SNX4: variants seen among roughly 807,000 people sequenced by gnomAD.
SNX4 encodes the protein sorting nexin 4.
SNX4 carries 49 observed loss-of-function variants against 70.8 expected under a neutral mutation model. The ratio of observed to expected loss-of-function variants is 0.69; its 90% CI spans 0.55 to 0.88. SNX4 has a LOEUF of 0.88. SNX4 is among the 40% of genes least tolerant of loss of function. The pLI is 0.00. For synonymous variants in SNX4, 206 were observed against 183.8 expected, an observed-to-expected ratio of 1.12 and a Z score of -0.98; for missense variants, 528 against 544.8, an observed-to-expected ratio of 0.97 and a Z score of 0.31.
rs770336677 is a variant in SNX4 at position 125,500,799 on chromosome 3, C to CAAAAAAAAAAAAAAAAAAAAAAAAAAAA, written c.264-2633_264-2606dup. On this transcript the variant is annotated intron_variant, in intron 2 of 13. Transcript: ENST00000251775. ...TGGGCGACAGAGCAAGACTCCGTCTCAAAAAAAAAAAAAAAAAAAAAAAAA... is the reference window on the plus strand; with the variant it reads ...TGGGCGACAGAGCAAGACTCCGTCTCAAAAAAAAAAAAAAAAAAAAAAAAAAAAAAAAAAAAAAAAAAAAAAAAAAAAA... Among the ~76,000 whole-genome samples, 2 of 29,316 alleles carry CAAAAAAAAAAAAAAAAAAAAAAAAAAAA rather than the reference C, an allele frequency of 6.8e-5. 1 individual carries two copies. Among genetic ancestry groups the CAAAAAAAAAAAAAAAAAAAAAAAAAAAA allele is most frequent in the African/African-American group, 2.6e-4 (2 of 7,828 alleles). 19.2% of individuals were successfully genotyped at this position (29,316 alleles called of 152,430 possible).
At chr3:125,497,056 G>A (rs1439366786) in intron 5 of SNX4, among the ~76,000 whole-genome samples, 1 of 148,174 alleles carries the variant, frequency 6.7e-6, no homozygotes, top group East Asian at 2.0e-4. Context: ...TTAAATTACT[G>A]CTTCATTACT....
rs1308816197 is a variant in SNX4 at position 125,460,812 on chromosome 3, T to G, written c.903A>C (p.Ala301=). ...AAAAAAGATACTCTTTTAACTGATC[T>G]GCATAATGTTCTTCATCTTCCAAAA... is the stretch of plus-strand genomic sequence containing the variant. ...DDILEDEEHY[A]DQLKEYLFYA... The change falls in exon 10 of 14, where the codon GCA becomes GCC. Residue 301 remains alanine, a synonymous_variant. Coordinates refer to ENST00000251775, the MANE Select transcript of SNX4 (RefSeq NM_003794.4). 6.4e-7 allele frequency: 1 copy of G among 1,567,518 alleles called. No homozygotes were observed. The highest frequency in any genetic ancestry group is 1.2e-5 in the South Asian group (1 of 82,008).
chr3:125,470,498 A>C (rs549111468), intron 8 of SNX4, among the ~76,000 whole-genome samples: 4 of 151,436 alleles, frequency 2.6e-5, no homozygotes, highest in South Asian at 2.1e-4. Flanking sequence ...TTAAAAAAAA[A>C]AAAACAAAAA....
intron 6 of SNX4, among the ~76,000 whole-genome samples, chr3:125,481,529 A>G (rs538281617): frequency 2.5e-4 from 37 of 150,356 alleles, no homozygotes; most frequent in African/African-American, 8.8e-4. Context: ...GCTCACCACA[A>G]CCTCCGCCTC....
chr3:125,484,105 A>C (rs1261685854), intron 6 of SNX4, among the ~76,000 whole-genome samples: 2 of 152,218 alleles, frequency 1.3e-5, no homozygotes, highest in Non-Finnish European at 2.9e-5. Context: ...AGAGACATGC[A>C]AAAGTGAACG....
At chr3:125,474,835 G>A (rs1934254818) in intron 8 of SNX4, among the ~76,000 whole-genome samples, 1 of 119,010 alleles carries the variant, frequency 8.4e-6, no homozygotes, top group Admixed American at 9.2e-5. Context: ...TTTAGTTTAT[G>A]TTAATTCCCC....
chr3:125,518,250 A>G (rs910850912), intron 1 of SNX4, among the ~76,000 whole-genome samples: 1 of 151,776 alleles, frequency 6.6e-6, no homozygotes, highest in Non-Finnish European at 1.5e-5. Flanking sequence ...CTTGAACCCA[A>G]AAGTTCAAGG....
Position 125,469,525 on chromosome 3 carries a change from G to T in SNX4, c.789-6C>A. The T allele has an allele frequency of 6.2e-7, 1 of 1,607,852 alleles. No homozygotes were observed. Among genetic ancestry groups the T allele is most frequent in the Non-Finnish European group, 8.5e-7 (1 of 1,174,470 alleles). On this transcript the variant is annotated splice_region_variant and splice_polypyrimidine_tract_variant and intron_variant, in intron 8 of 13. Coordinates refer to ENST00000251775, the MANE Select transcript of SNX4 (RefSeq NM_003794.4). Reference sequence around the variant, plus strand: ...TTTCTATGGCACTCCATTCACTAGGGAGTAAAAGATAAAACCAAAAGCAAC... The same window carrying T: ...TTTCTATGGCACTCCATTCACTAGGTAGTAAAAGATAAAACCAAAAGCAAC...
At chr3:125,494,729 G>A (rs1409512590) in intron 5 of SNX4, among the ~76,000 whole-genome samples, 3 of 152,108 alleles carry the variant, frequency 2.0e-5, no homozygotes, top group South Asian at 2.1e-4. Context: ...CATGCAGTCC[G>A]CTGACCACAT....
intron 1 of SNX4, among the ~76,000 whole-genome samples, chr3:125,519,029 T>TAAA (rs1157400927): frequency 6.6e-6 from 1 of 151,330 alleles, no homozygotes; most frequent in Non-Finnish European, 1.5e-5. Flanking sequence ...AATAAATAAA[T>TAAA]TAATTAATTA....
chr3:125,504,475 C>T, intron 2 of SNX4, 148 bp downstream of exon 2: 1 of 722,718 alleles, frequency 1.4e-6, no homozygotes, highest in Non-Finnish European at 2.2e-6. Context: ...CAGAATGAGA[C>T]CCTGTCTCAA....
At chr3:125,506,557 G>A (rs1935047567) in intron 1 of SNX4, among the ~76,000 whole-genome samples, 1 of 149,232 alleles carries the variant, frequency 6.7e-6, no homozygotes, top group African/African-American at 2.5e-5. Context: ...CCAGGTCGGA[G>A]TGCAGTGGCA....
intron 11 of SNX4, among the ~76,000 whole-genome samples, chr3:125,455,805 A>G (rs371502035): frequency 2.6e-5 from 4 of 152,240 alleles, no homozygotes. Flanking sequence ...CGAGGTCAGG[A>G]GATTCAGACC....
rs910675030 is a variant in SNX4, at chr3:125,513,542, A to T, written c.141+6490T>A. ...ATTATTTTTAGATTTAAATTTTTTGATGATGAAAATTATACATGCTAAATG... is the reference window on the plus strand; with the variant it reads ...ATTATTTTTAGATTTAAATTTTTTGTTGATGAAAATTATACATGCTAAATG... On this transcript the variant is annotated intron_variant, in intron 1 of 13. Transcript: ENST00000251775. Among the ~76,000 whole-genome samples the T allele has an allele frequency of 4.6e-5, 7 of 152,224 alleles. No homozygotes were observed. The South Asian group carries it at 1.2e-3, about 27-fold the overall frequency.
intron 2 of SNX4, among the ~76,000 whole-genome samples, chr3:125,499,785 G>A (rs903176735): frequency 6.2e-5 from 9 of 146,246 alleles, no homozygotes; most frequent in African/African-American, 7.5e-5. Flanking sequence ...AAAAAAAAAC[G>A]CGGTTGGATG....
chr3:125,460,863 G>GT lies in SNX4; in HGVS notation c.855-4dup. 3.7e-6 allele frequency: 5 copies of GT among 1,359,596 alleles called. No homozygotes were observed. The highest frequency in any genetic ancestry group is 4.0e-6 in the Non-Finnish European group (4 of 990,800). 84.2% of individuals were successfully genotyped at this position (1,359,596 alleles called of 1,614,324 possible). A position where few individuals can be genotyped will look rare whatever the true frequency, so the allele number is the denominator to read the frequency against. ...TATCATCAATAGAAGATGCATACCT[G>GT]TTTTAAAAAAAAAAACACACATTGC... On this transcript the variant is annotated splice_polypyrimidine_tract_variant and splice_region_variant and intron_variant, in intron 9 of 13. Transcript: ENST00000251775.
intron 5 of SNX4, among the ~76,000 whole-genome samples, chr3:125,494,341 A>G (rs1208216255): frequency 1.3e-5 from 2 of 152,170 alleles, no homozygotes; most frequent in Non-Finnish European, 2.9e-5. Context: ...CTAGACTTGG[A>G]TTCAGCCTCT....
chr3:125,478,131 G>A (rs1264246593), intron 7 of SNX4, among the ~76,000 whole-genome samples: 1 of 151,626 alleles, frequency 6.6e-6, no homozygotes, highest in East Asian at 1.9e-4. Flanking sequence ...CCAGGCTAAA[G>A]TACAGTGGCA....
intron 5 of SNX4, among the ~76,000 whole-genome samples, chr3:125,493,959 C>T (rs1305193053): frequency 6.6e-6 from 1 of 151,592 alleles, no homozygotes; most frequent in Non-Finnish European, 1.5e-5. Context: ...ATGGCGTGAA[C>T]CCGGAAGGCG....
Sources: allele counts gnomAD v4.1 joint callset (sites outside exome capture counted in the v4.1 genomes callset), GRCh38; gene constraint gnomAD v4.1.1; transcripts MANE v1.5; gene names NCBI Gene and HGNC (gene_info 2026-07-23, HGNC 2026-07-21).